The following PDE3A variants were observed in gnomAD, a reference collection of about 807,000 sequenced individuals.
PDE3A encodes cGMP-inhibited 3',5'-cyclic phosphodiesterase 3A.
A neutral mutation model predicts 98.3 loss-of-function variants in PDE3A; 43 were observed. The observed-to-expected ratio is 0.44, with a 90% confidence interval of 0.34 to 0.56. PDE3A has a LOEUF of 0.56. Among genes scored for constraint, PDE3A ranks in the 20% least tolerant of loss-of-function variants. PDE3A has a pLI of 0.01. For synonymous variants in PDE3A, 663 were observed against 567.9 expected, an observed-to-expected ratio of 1.17 and a Z score of -2.38; for missense variants, 1,427 against 1,440.7, an observed-to-expected ratio of 0.99 and a Z score of 0.15.
intron 15 of PDE3A, among the ~76,000 whole-genome samples, chr12:20,673,862 AAAAAAAT>A (rs573496224): frequency 0.046 from 765 of 16,740 alleles, 7 homozygotes; most frequent in African/African-American, 0.15. Flanking sequence ...AATAAAAATA[AAAAAAAT>A]AAAAATAAAA....
rs572538312 is a variant in PDE3A at position 20,552,394 on chromosome 12, C to G, written c.961-4266C>G. On this transcript the variant is annotated intron_variant, in intron 1 of 15. Coordinates refer to ENST00000359062, the MANE Select transcript of PDE3A (RefSeq NM_000921.5). This position sits in a 1 kb window ranked among gnomAD's most constrained non-coding sequence, Gnocchi z 5.1. The stretch of plus-strand genomic sequence containing the variant: ...GCGGAGGGACGATGATGAGCCCGGC[C>G]CTTGGACGAAGGAGGGGAAGGACCG... The G allele has an allele frequency of 1.8e-5, 29 of 1,613,302 alleles. No individual in the cohort carries two copies. In the South Asian group the frequency reaches 3.0e-4, roughly 17 times the overall value.
intron 1 of PDE3A, among the ~76,000 whole-genome samples, chr12:20,481,963 A>G (rs1157481526): frequency 1.3e-5 from 2 of 151,580 alleles, no homozygotes; most frequent in Non-Finnish European, 2.9e-5. Flanking sequence ...ACGGGATTTC[A>G]CCGTGTTAGC....
intron 1 of PDE3A, among the ~76,000 whole-genome samples, chr12:20,453,847 A>G (rs1174090280): frequency 2.0e-5 from 3 of 152,060 alleles, no homozygotes; most frequent in Admixed American, 2.0e-4. Flanking sequence ...CCATTTAACT[A>G]TCTACACAGT....
Position 20,680,351 on chromosome 12 carries a change from A to C in PDE3A, c.*80A>C, listed in dbSNP as rs1187055454. The C allele has an allele frequency of 4.3e-6, 6 of 1,403,128 alleles. No homozygotes were observed. The highest frequency in any genetic ancestry group is 1.4e-5 in the African/African-American group (1 of 69,850). 86.9% of individuals were successfully genotyped at this position (1,403,128 alleles called of 1,614,324 possible). A position where few individuals can be genotyped will look rare whatever the true frequency, so the allele number is the denominator to read the frequency against. On this transcript the variant is annotated 3_prime_UTR_variant, in exon 16 of 16. Transcript: ENST00000359062. ...TCAAGCCAGCACAACATTTAGACAC[A>C]ACACTGTAGAAATTTGAGATGGGCA...
intron 2 of PDE3A, among the ~76,000 whole-genome samples, chr12:20,603,346 G>T (rs762481064): frequency 2.0e-5 from 3 of 152,118 alleles, no homozygotes; most frequent in Non-Finnish European, 2.9e-5. Context: ...CCTGCTTTTA[G>T]AATTCTTTTC....
chr12:20,640,659 C>G (rs1274880137), intron 10 of PDE3A, among the ~76,000 whole-genome samples: 1 of 151,988 alleles, frequency 6.6e-6, no homozygotes, highest in African/African-American at 2.4e-5. Flanking sequence ...AATCGGAACA[C>G]AGAGGAGATG....
At chr12:20,527,879 G>A (rs894647125) in intron 1 of PDE3A, among the ~76,000 whole-genome samples, 7 of 150,250 alleles carry the variant, frequency 4.7e-5, no homozygotes, top group African/African-American at 1.5e-4. Context: ...TGGCTAAAAT[G>A]TAGAAGCAGA....
intron 1 of PDE3A, among the ~76,000 whole-genome samples, chr12:20,524,761 G>A (rs1357208259): frequency 6.6e-6 from 1 of 152,056 alleles, no homozygotes; most frequent in African/African-American, 2.4e-5. Context: ...ATCTTGGAAA[G>A]CCCCTGTGGG....
At chr12:20,485,752 T>G (rs755452687) in intron 1 of PDE3A, among the ~76,000 whole-genome samples, 6 of 152,250 alleles carry the variant, frequency 3.9e-5, no homozygotes, top group Non-Finnish European at 5.9e-5. Context: ...ACTTATATAC[T>G]TAATTTTGCT....
At chr12:20,400,375 A>G (rs1944099933) in intron 1 of PDE3A, among the ~76,000 whole-genome samples, 1 of 115,862 alleles carries the variant, frequency 8.6e-6, no homozygotes, top group Non-Finnish European at 1.7e-5. Flanking sequence ...ACTCGTTAAC[A>G]TTGGTTTTTT....
At chr12:20,584,100 G>A (rs1943136002) in intron 2 of PDE3A, among the ~76,000 whole-genome samples, 1 of 152,220 alleles carries the variant, frequency 6.6e-6, no homozygotes, top group African/African-American at 2.4e-5. Context: ...AAGACTGGTT[G>A]TGCTCTTGAG....
chr12:20,650,422 T>C (rs778071227), intron 13 of PDE3A, 23 bp from the exon 14 acceptor site: 3 of 1,548,508 alleles, frequency 1.9e-6, no homozygotes, highest in East Asian at 2.3e-5. Context: ...GCAAAACATA[T>C]ATTAACTTTA....
At chr12:20,454,439 A>T (rs761596253) in intron 1 of PDE3A, among the ~76,000 whole-genome samples, 5 of 152,174 alleles carry the variant, frequency 3.3e-5, no homozygotes, top group Admixed American at 6.5e-5. Flanking sequence ...ACTAGAACGT[A>T]AGCTCAGTAA....
intron 15 of PDE3A, among the ~76,000 whole-genome samples, chr12:20,661,501 T>G (rs997333775): frequency 6.6e-6 from 1 of 152,170 alleles, no homozygotes; most frequent in African/African-American, 2.4e-5. Flanking sequence ...ATCACAGGCC[T>G]AGGGGCCTAG....
chr12:20,560,897 AG>A (rs1185653878), intron 2 of PDE3A, among the ~76,000 whole-genome samples: 2 of 150,930 alleles, frequency 1.3e-5, no homozygotes, highest in Non-Finnish European at 2.9e-5. Flanking sequence ...ACACTATATC[AG>A]AGAAACTGGC....
chr12:20,652,015 G>A (rs1180820035), intron 14 of PDE3A, among the ~76,000 whole-genome samples: 5 of 151,464 alleles, frequency 3.3e-5, no homozygotes, highest in East Asian at 1.9e-4. Flanking sequence ...GAGAACATGC[G>A]GTGTTTGGTT....
At chr12:20,594,413 A>C (rs1169626566) in intron 2 of PDE3A, among the ~76,000 whole-genome samples, 1 of 152,188 alleles carries the variant, frequency 6.6e-6, no homozygotes, top group African/African-American at 2.4e-5. Flanking sequence ...TCCTTTCTAT[A>C]TTTAGAAATT....
intron 1 of PDE3A, among the ~76,000 whole-genome samples, chr12:20,456,519 C>T (rs1193178834): frequency 1.3e-5 from 2 of 152,062 alleles, no homozygotes; most frequent in African/African-American, 2.4e-5. Context: ...TAAACTAAAT[C>T]GATAGCTCCA....
At chr12:20,600,227 C>T (rs1943557586) in intron 2 of PDE3A, among the ~76,000 whole-genome samples, 3 of 152,172 alleles carry the variant, frequency 2.0e-5, no homozygotes, top group African/African-American at 7.2e-5. Flanking sequence ...AGAAGTCTCT[C>T]CTAATATGCC....
Sources: allele counts gnomAD v4.1 joint callset (sites outside exome capture counted in the v4.1 genomes callset), GRCh38; gene constraint gnomAD v4.1.1; non-coding constraint Gnocchi (gnomAD v3.1); transcripts MANE v1.5; gene names NCBI Gene and HGNC (gene_info 2026-07-23, HGNC 2026-07-21).